The following KIAA1614 variants were observed in gnomAD, a reference collection of about 807,000 sequenced individuals.
KIAA1614 encodes KIAA1614, also known as uncharacterized protein KIAA1614.
Under a neutral mutation model 88.7 loss-of-function variants are expected in KIAA1614, and 76 were observed. That is an observed-to-expected ratio of 0.86 (90% CI 0.71 to 1.04). The LOEUF (loss-of-function observed/expected upper bound fraction) is 1.04, where lower values mean the gene tolerates loss of function less well. Ranked by LOEUF, KIAA1614 falls within the 50% of genes least tolerant of loss-of-function variation. The pLI is 0.00. For missense variants in KIAA1614, 1,553 were observed against 1,582.5 expected (o/e 0.98, Z 0.32); for synonymous variants, 714 against 675.5 (o/e 1.06, Z -0.88).
chr1:180,933,594 G>A (rs554130341), intron 4 of KIAA1614, among the ~76,000 whole-genome samples: 14 of 152,280 alleles, frequency 9.2e-5, no homozygotes, highest in Middle Eastern at 6.8e-3. Context: ...GATAGAAAAC[G>A]GCCTGTGGAC....
chr1:180,918,321 ACCCCAATTCCGTTC>A (rs1215502778), intron 3 of KIAA1614, among the ~76,000 whole-genome samples: 1 of 152,114 alleles, frequency 6.6e-6, no homozygotes, highest in African/African-American at 2.4e-5. Context: ...ACAAAGCCTT[ACCCCAATTCCGTTC>A]CCAGTCAAGA....
chr1:180,928,237 AT>A, intron 3 of KIAA1614, 192 bp from the exon 4 acceptor site: 1 of 639,406 alleles, frequency 1.6e-6, no homozygotes, highest in South Asian at 2.9e-5. Context: ...ACGCAGGGCC[AT>A]TTCCCAGCCC....
Position 180,928,572 on chromosome 1 carries a change from C to T in KIAA1614, c.1204C>T (p.Arg402Ter), listed in dbSNP as rs150309236. 2.5e-5 allele frequency: 40 copies of T among 1,611,400 alleles called. No homozygotes were observed. The highest frequency in any genetic ancestry group is 3.3e-5 in the Non-Finnish European group (39 of 1,178,972). The change falls in exon 4 of 9, where the codon CGA becomes TGA. Residue 402 changes from arginine to a stop codon, truncating the protein, a stop_gained and splice_region_variant. Transcript: ENST00000367588. LOFTEE classifies it high-confidence loss of function. ...DIVPTITQGS[R>*]DGHRSPARDP... ...CGTGCCCACCATTACCCAGGGCAGC[C>T]GGTGAGTGGGACCTGGGCCAGGCTA...
At chr1:180,936,780 T>TACAC in intron 5 of KIAA1614, 110 bp downstream of exon 5, 1 of 691,894 alleles carries the variant, frequency 1.4e-6, no homozygotes, top group Non-Finnish European at 2.3e-6. Flanking sequence ...CCCTTTTATC[T>TACAC]CAATAGTCAG....
chr1:180,935,832 A>T lies in KIAA1614; in HGVS notation c.1923A>T (p.Gln641His). ...CTGGCTGGGCGTGTGGGCGGACCCA[A>T]GGCAGCAGCCCGCGACTGCGACTGC... ...SQAGWACGRT[Q>H]GSSPRLRLRG... is the part of the protein sequence containing the mutation. The change falls in exon 5 of 9, where the codon CAA becomes CAT. Residue 641 changes from glutamine (Q) to histidine (H), a missense_variant. Gln to His is a conservative substitution (Grantham distance 24). Coordinates refer to ENST00000367588, the MANE Select transcript of KIAA1614 (RefSeq NM_020950.2). The surrounding 1 kb of genome is among the most constrained non-coding windows in gnomAD (Gnocchi z 6.1). The T allele has an allele frequency of 6.2e-7, 1 of 1,613,598 alleles. No homozygotes were observed. The highest frequency in any genetic ancestry group is 8.5e-7 in the Non-Finnish European group (1 of 1,179,902).
At chr1:180,925,977 C>A (rs1472240062) in intron 3 of KIAA1614, among the ~76,000 whole-genome samples, 2 of 152,210 alleles carry the variant, frequency 1.3e-5, no homozygotes, top group African/African-American at 4.8e-5. Context: ...TCTCCAGCCC[C>A]CACTGCTTGC....
At chr1:180,933,478 A>G (rs1654246445) in intron 4 of KIAA1614, among the ~76,000 whole-genome samples, 1 of 152,200 alleles carries the variant, frequency 6.6e-6, no homozygotes, top group South Asian at 2.1e-4. Context: ...GAAGTGATAA[A>G]TGAAAGAAAC....
At chr1:180,920,042 G>A (rs1314108313) in intron 3 of KIAA1614, among the ~76,000 whole-genome samples, 2 of 152,196 alleles carry the variant, frequency 1.3e-5, no homozygotes, top group Non-Finnish European at 2.9e-5. Flanking sequence ...AACACGCATT[G>A]TTTGGGAGTC....
intron 3 of KIAA1614, 27 bp from the exon 4 acceptor site, chr1:180,928,403 C>A: frequency 6.6e-7 from 1 of 1,516,874 alleles, no homozygotes; most frequent in Non-Finnish European, 8.9e-7. Flanking sequence ...CCTCCCCCAC[C>A]ACCCTGGCCT....
At position 180,935,217 on chromosome 1, in the gene KIAA1614, C is replaced by T; in HGVS notation, c.1308C>T (p.Ser436=). Reference sequence around the variant, plus strand: ...GCGATTCCTCCAGCGGAGAGTCCAGCGGTGGGCACAGGCCGAGGCGGGGCC... The same window carrying T: ...GCGATTCCTCCAGCGGAGAGTCCAGTGGTGGGCACAGGCCGAGGCGGGGCC... ...HTSDSSSGES[S]GGHRPRRGPS... Residue 436 remains serine (S), a synonymous_variant, in exon 5 of 9, where the codon AGC becomes AGT. Transcript: ENST00000367588. This position sits in a 1 kb window ranked among gnomAD's most constrained non-coding sequence, Gnocchi z 6.1. 3 of 1,532,922 alleles carry T rather than the reference C, an allele frequency of 2.0e-6. No individual in the cohort carries two copies. Among genetic ancestry groups the T allele is most frequent in the South Asian group, 2.5e-5 (2 of 79,900 alleles). 95.0% of individuals were successfully genotyped at this position (1,532,922 alleles called of 1,614,324 possible).
intron 3 of KIAA1614, among the ~76,000 whole-genome samples, chr1:180,922,099 G>A (rs750193991): frequency 2.6e-5 from 4 of 152,356 alleles, no homozygotes; most frequent in South Asian, 2.1e-4. Context: ...CTCCTCGGCC[G>A]TCTCCATAGA....
At chr1:180,925,764 G>T (rs985603882) in intron 3 of KIAA1614, among the ~76,000 whole-genome samples, 1 of 152,230 alleles carries the variant, frequency 6.6e-6, no homozygotes, top group African/African-American at 2.4e-5. Flanking sequence ...AGGGGTGGGG[G>T]AAGGGCCAGC....
At chr1:180,933,019 C>T (rs373006186) in intron 4 of KIAA1614, among the ~76,000 whole-genome samples, 2 of 152,142 alleles carry the variant, frequency 1.3e-5, no homozygotes, top group Admixed American at 6.5e-5. Flanking sequence ...GGATCACAGG[C>T]GTGAGCCACT....
intron 4 of KIAA1614, among the ~76,000 whole-genome samples, chr1:180,931,784 G>C (rs558011551): frequency 1.2e-4 from 19 of 152,184 alleles, no homozygotes; most frequent in Non-Finnish European, 2.8e-4. Context: ...GATTAGGACC[G>C]CACTGCCTTT....
intron 6 of KIAA1614, among the ~76,000 whole-genome samples, chr1:180,940,332 CTG>C (rs1472198304): frequency 6.6e-6 from 1 of 152,190 alleles, no homozygotes; most frequent in Non-Finnish European, 1.5e-5. Flanking sequence ...GAAGCCCTGT[CTG>C]TACTAAAAAT....
At chr1:180,929,059 A>C (rs1263775460) in intron 4 of KIAA1614, among the ~76,000 whole-genome samples, 1 of 152,188 alleles carries the variant, frequency 6.6e-6, no homozygotes, top group Non-Finnish European at 1.5e-5. Flanking sequence ...GGAGCGCAAC[A>C]CCTACAGCCA....
rs554115059 is a variant in KIAA1614 at position 180,950,523 on chromosome 1, T to C, written c.*4935T>C. 3.3e-5 allele frequency: 37 copies of C among 1,108,468 alleles called. No homozygotes were observed. In the South Asian group the frequency reaches 6.8e-4, roughly 20 times the overall value. The allele number at this position is 1,108,468 out of a possible 1,614,324, so 68.7% of individuals were successfully genotyped here. A position where few individuals can be genotyped will look rare whatever the true frequency, so the allele number is the denominator to read the frequency against. On this transcript the variant is annotated 3_prime_UTR_variant, in exon 9 of 9. Coordinates refer to ENST00000367588, the MANE Select transcript of KIAA1614 (RefSeq NM_020950.2). ...ATCCGTGTCCTGAGGCAGAGACCTG[T>C]CCCACGGTGACCCAGAAGTGCCGCT...
chr1:180,929,601 T>TG (rs1323138649), intron 4 of KIAA1614, among the ~76,000 whole-genome samples: 1 of 152,224 alleles, frequency 6.6e-6, no homozygotes. Flanking sequence ...CACACATGAC[T>TG]GCCCCCTGAG....
chr1:180,943,245 T>C (rs1654509861), intron 7 of KIAA1614, among the ~76,000 whole-genome samples: 1 of 152,120 alleles, frequency 6.6e-6, no homozygotes, highest in South Asian at 2.1e-4. Context: ...CAGGCTGGTC[T>C]CAAACTCCTG....
Sources: allele counts gnomAD v4.1 joint callset (sites outside exome capture counted in the v4.1 genomes callset), GRCh38; gene constraint gnomAD v4.1.1; non-coding constraint Gnocchi (gnomAD v3.1); transcripts MANE v1.5; gene names NCBI Gene and HGNC (gene_info 2026-07-23, HGNC 2026-07-21).